The following CCDC141 variants were observed in gnomAD, a reference collection of about 807,000 sequenced individuals.
CCDC141 encodes the protein coiled-coil domain containing 141, also known as coiled-coil domain-containing protein 141.
In CCDC141, 168 loss-of-function variants were observed where a neutral mutation model predicts 181.0. The ratio of observed to expected loss-of-function variants is 0.93; its 90% CI spans 0.82 to 1.05. The LOEUF (loss-of-function observed/expected upper bound fraction) is 1.05. Ranked by LOEUF, CCDC141 falls within the 50% of genes least tolerant of loss-of-function variation. The pLI, the probability that CCDC141 is intolerant of heterozygous loss-of-function variation, is 0.00. For synonymous variants in CCDC141, 666 were observed against 642.3 expected, an observed-to-expected ratio of 1.04 and a Z score of -0.56; for missense variants, 1,902 against 1,788.5, an observed-to-expected ratio of 1.06 and a Z score of -1.14.
chr2:178,931,247 A>G (rs1301122580), intron 6 of CCDC141, among the ~76,000 whole-genome samples: 1 of 152,192 alleles, frequency 6.6e-6, no homozygotes, highest in Non-Finnish European at 1.5e-5. Flanking sequence ...AGCAGCTGCT[A>G]TGGAAAAATA....
chr2:178,854,187 G>T (rs891424268), intron 19 of CCDC141, among the ~76,000 whole-genome samples: 1 of 152,188 alleles, frequency 6.6e-6, no homozygotes, highest in Non-Finnish European at 1.5e-5. Flanking sequence ...GTAGAAAATG[G>T]TTATAGTTTC....
intron 4 of CCDC141, among the ~76,000 whole-genome samples, chr2:178,962,033 AAG>A (rs1559009989): frequency 6.6e-6 from 1 of 152,210 alleles, no homozygotes; most frequent in Non-Finnish European, 1.5e-5. Flanking sequence ...CAATTATTAA[AAG>A]AGTTTCAAAT....
chr2:178,990,839 T>C (rs1575316171), intron 2 of CCDC141, among the ~76,000 whole-genome samples: 1 of 151,806 alleles, frequency 6.6e-6, no homozygotes, highest in Non-Finnish European at 1.5e-5. Context: ...GGGCACAGGG[T>C]TTTCTTTTGG....
chr2:178,875,681 A>C (rs1686328149), intron 12 of CCDC141: 1 of 152,206 alleles, frequency 6.6e-6, no homozygotes, highest in African/African-American at 2.4e-5. Context: ...AGTATTGGAA[A>C]GATGGGAAAA....
At chr2:178,866,324 C>T (rs1460082635) in intron 16 of CCDC141, among the ~76,000 whole-genome samples, 1 of 152,236 alleles carries the variant, frequency 6.6e-6, no homozygotes, top group Non-Finnish European at 1.5e-5. Flanking sequence ...CACAGTGGGG[C>T]TGCCAGGGCC....
chr2:178,964,974 T>C (rs1311327618), intron 4 of CCDC141, among the ~76,000 whole-genome samples: 5 of 152,216 alleles, frequency 3.3e-5, no homozygotes, highest in Non-Finnish European at 7.3e-5. Flanking sequence ...ATAAAATACA[T>C]CATATTTTAT....
At chr2:178,932,576 AAAAC>A (rs779759952) in intron 6 of CCDC141, among the ~76,000 whole-genome samples, 19 of 152,236 alleles carry the variant, frequency 1.2e-4, no homozygotes, top group Non-Finnish European at 2.1e-4. Flanking sequence ...AAATCATTGA[AAAAC>A]AACACATACA....
the CCDC141 span, among the ~76,000 whole-genome samples, chr2:178,816,819 G>A: frequency 1.3e-5 from 2 of 152,294 alleles, no homozygotes; most frequent in African/African-American, 4.8e-5. Context: ...AATAAGAAGA[G>A]AATGAGGGAA....
At chr2:179,047,554 G>A in intron 1 of CCDC141, 148 bp from the exon 2 acceptor site, 2 of 644,610 alleles carry the variant, frequency 3.1e-6, no homozygotes, top group Non-Finnish European at 4.8e-6. Flanking sequence ...TTTCCATAGA[G>A]ATGGGGTTTA....
At chr2:178,821,803 T>G in the CCDC141 span, among the ~76,000 whole-genome samples, 26 of 152,336 alleles carry the variant, frequency 1.7e-4, no homozygotes, top group Admixed American at 1.6e-3. Context: ...ACTTTTACAC[T>G]GTTGGTGGGA....
chr2:178,978,476 G>A lies in CCDC141; in HGVS notation c.417+8C>T, dbSNP rs1691220401. On this transcript the variant is annotated splice_region_variant and intron_variant, in intron 3 of 23. Coordinates refer to ENST00000443758, the MANE Select transcript of CCDC141 (RefSeq NM_173648.4). ...GTGGGGAAGGGAGAAGTTTTTTAAAGTACAAACCTCTAAGGCATTTTCAAA... is the reference window on the plus strand; with the variant it reads ...GTGGGGAAGGGAGAAGTTTTTTAAAATACAAACCTCTAAGGCATTTTCAAA... The A allele has an allele frequency of 1.4e-6, 2 of 1,448,824 alleles. No individual in the cohort carries two copies. Among genetic ancestry groups the A allele is most frequent in the Admixed American group, 2.8e-5 (1 of 35,498 alleles). The allele number at this position is 1,448,824 out of a possible 1,614,324, so 89.7% of individuals were successfully genotyped here. A position where few individuals can be genotyped will look rare whatever the true frequency, so the allele number is the denominator to read the frequency against.
intron 17 of CCDC141, among the ~76,000 whole-genome samples, chr2:178,858,747 T>C (rs1009945145): frequency 5.3e-5 from 8 of 151,992 alleles, no homozygotes; most frequent in Non-Finnish European, 1.0e-4. Context: ...TATAAGAATA[T>C]ATAAAATATA....
chr2:179,009,485 C>G (rs1228198674), intron 2 of CCDC141, among the ~76,000 whole-genome samples: 1 of 152,038 alleles, frequency 6.6e-6, no homozygotes. Context: ...TCCCCTTTTC[C>G]TATGGATGTG....
Position 178,895,340 on chromosome 2 carries a change from G to T in CCDC141, c.1266-6672C>A, listed in dbSNP as rs76933538. Among the ~76,000 whole-genome samples, 1,369 of 152,196 alleles carry T rather than the reference G, an allele frequency of 9.0e-3. 27 individuals carry two copies. The highest frequency in any genetic ancestry group is 0.032 in the African/African-American group (1,317 of 41,514). On this transcript the variant is annotated intron_variant, in intron 8 of 23. Transcript: ENST00000443758. ...CTCTTCTCCCTAAACCCTGTAATATGAGAGGAGTCCTCAATCACCCAGGGC... is the reference window on the plus strand; with the variant it reads ...CTCTTCTCCCTAAACCCTGTAATATTAGAGGAGTCCTCAATCACCCAGGGC...
intron 2 of CCDC141, among the ~76,000 whole-genome samples, chr2:179,030,227 T>G (rs1327378229): frequency 6.6e-6 from 1 of 152,126 alleles, no homozygotes; most frequent in Admixed American, 6.5e-5. Flanking sequence ...ATTTTTAAGT[T>G]AATTCATTTT....
intron 23 of CCDC141, among the ~76,000 whole-genome samples, chr2:178,835,203 A>C (rs1684429944): frequency 6.6e-6 from 1 of 152,188 alleles, no homozygotes; most frequent in South Asian, 2.1e-4. Flanking sequence ...TTCATACCAC[A>C]GTATCCACAG....
intron 8 of CCDC141, among the ~76,000 whole-genome samples, chr2:178,903,500 G>T (rs375810052): frequency 5.3e-5 from 8 of 150,134 alleles, no homozygotes; most frequent in East Asian, 2.0e-4. Flanking sequence ...GTAAACTATC[G>T]CAAGAACAAA....
chr2:178,964,057 G>A (rs1690515935), intron 4 of CCDC141, among the ~76,000 whole-genome samples: 1 of 152,178 alleles, frequency 6.6e-6, no homozygotes, highest in African/African-American at 2.4e-5. Context: ...TTCAGAACAA[G>A]TTCTTATGGG....
At chr2:178,873,831 T>C (rs1305310539) in intron 12 of CCDC141, 1 of 152,236 alleles carries the variant, frequency 6.6e-6, no homozygotes, top group Non-Finnish European at 1.5e-5. Flanking sequence ...TTTATATTCA[T>C]GCACCATGAA....
Sources: gnomAD v4.1 joint callset for allele counts (sites outside exome capture counted in the v4.1 genomes callset) on GRCh38, gnomAD v4.1.1 for gene constraint, MANE v1.5 for transcripts, NCBI Gene and HGNC (gene_info 2026-07-23, HGNC 2026-07-21) for gene names.